The following PEX5 variants were observed in gnomAD, a reference collection of about 807,000 sequenced individuals.
PEX5 encodes the protein PTS1 receptor.
In PEX5, 52 loss-of-function variants were observed where a neutral mutation model predicts 82.9. That is an observed-to-expected ratio of 0.63 (90% CI 0.50 to 0.79). PEX5 has a LOEUF of 0.79. Ranked by LOEUF, PEX5 falls within the 30% of genes least tolerant of loss-of-function variation. The pLI is 0.00. For synonymous variants in PEX5, 300 were observed against 318.8 expected, an observed-to-expected ratio of 0.94 and a Z score of 0.63; for missense variants, 719 against 815.2, an observed-to-expected ratio of 0.88 and a Z score of 1.44.
Position 7,203,181 on chromosome 12 carries a change from A to ATGCACTGCACTGCAC in PEX5, c.847-224_847-210dup, listed in dbSNP as rs752693758. 7.3e-5 allele frequency among the ~76,000 whole-genome samples: 6 copies of ATGCACTGCACTGCAC among 82,590 alleles called. 1 individual carries two copies. The highest frequency in any genetic ancestry group is 3.8e-4 in the East Asian group (1 of 2,618). 54.2% of individuals were successfully genotyped at this position (82,590 alleles called of 152,430 possible). On this transcript the variant is annotated intron_variant, in intron 9 of 15. Coordinates refer to ENST00000675855, the MANE Select transcript of PEX5 (RefSeq NM_001351132.2). ...CTCAAACAAAAAACTAAACTAAACT[A>ATGCACTGCACTGCAC]TGCACTGCACTGCACTGCACTGCAC...
chr12:7,190,155 G>T, intron 1 of PEX5: 2 of 1,490,688 alleles, frequency 1.3e-6, no homozygotes, highest in Non-Finnish European at 1.8e-6. Flanking sequence ...CAGGCTGGAA[G>T]CGGTGGCCTT....
At chr12:7,217,362 A>C (rs1945808331) in intron 17 of PEX5, among the ~76,000 whole-genome samples, 1 of 152,226 alleles carries the variant, frequency 6.6e-6, no homozygotes, top group African/African-American at 2.4e-5. Context: ...GTGGATTGGC[A>C]ATCTGGGCGC....
chr12:7,212,299 G>A (rs769214543), downstream of PEX5, among the ~76,000 whole-genome samples: 1 of 151,824 alleles, frequency 6.6e-6, no homozygotes, highest in Non-Finnish European at 1.5e-5. Context: ...TATTTAAAAA[G>A]TTTTTCAAAT....
intron 5 of PEX5, among the ~76,000 whole-genome samples, chr12:7,194,985 C>T (rs894028621): frequency 2.0e-5 from 3 of 152,166 alleles, no homozygotes; most frequent in South Asian, 4.1e-4. Context: ...AAGATAAGGA[C>T]ATGGAAACTT....
At chr12:7,196,217 A>C (rs1591679134) in intron 5 of PEX5, among the ~76,000 whole-genome samples, 1 of 40,992 alleles carries the variant, frequency 2.4e-5, no homozygotes, top group African/African-American at 5.1e-5. Context: ...TAATAATTAT[A>C]TATGTCATAT....
chr12:7,189,766 CGA>C lies in PEX5; in HGVS notation c.-17+18_-17+19del. On this transcript the variant is annotated intron_variant, in intron 1 of 15. Coordinates refer to ENST00000675855, the MANE Select transcript of PEX5 (RefSeq NM_001351132.2). ...GCGCTCCGCGGTGAGCGCCTGACCC[CGA>C]GGGGGCCCGGGGCCGCGTCCCTGGG... The C allele has an allele frequency of 2.1e-6, 1 of 468,660 alleles. No individual in the cohort carries two copies. The highest frequency in any genetic ancestry group is 3.9e-5 in the East Asian group (1 of 25,778). The allele number at this position is 468,660 out of a possible 1,614,324, so 29.0% of individuals were successfully genotyped here. A position where few individuals can be genotyped will look rare whatever the true frequency, so the allele number is the denominator to read the frequency against.
chr12:7,216,800 AT>A (rs1054541780), intron 17 of PEX5, among the ~76,000 whole-genome samples: 2 of 152,014 alleles, frequency 1.3e-5, no homozygotes, highest in Non-Finnish European at 2.9e-5. Context: ...TTTCTTTTGT[AT>A]TTTTTCTTGT....
chr12:7,202,806 G>A (rs1944271610), intron 9 of PEX5, 102 bp downstream of exon 9: 1 of 873,120 alleles, frequency 1.1e-6, no homozygotes, highest in Admixed American at 1.9e-5. Context: ...ATTTCATAGT[G>A]GACCTGGATC....
chr12:7,209,002 C>T lies in PEX5; in HGVS notation c.1395-3C>T, dbSNP rs369046143. 1.2e-6 allele frequency: 2 copies of T among 1,613,744 alleles called. No homozygotes were observed. The highest frequency in any genetic ancestry group is 1.3e-5 in the African/African-American group (1 of 74,862). On this transcript the variant is annotated splice_polypyrimidine_tract_variant and splice_region_variant and intron_variant, in intron 13 of 15. Transcript: ENST00000675855. ...ACTTTGTGTTTTTTTCCTTTTCATC[C>T]AGCTCCCTGTTTCTTGAAGTGAAAG...
At chr12:7,189,003 A>G (rs1315824925), upstream of PEX5, 1 of 152,146 alleles carries the variant, frequency 6.6e-6, no homozygotes, top group African/African-American at 2.4e-5. Context: ...GGGCTGACTC[A>G]CTGTTCACCT....
rs139562885 is a variant in PEX5 at position 7,209,894 on chromosome 12, C to A, written c.1718+54C>A. The A allele has an allele frequency of 1.2e-3, 1,924 of 1,607,884 alleles. 26 individuals carry two copies. In the African/African-American group the frequency reaches 0.023, roughly 19 times the overall value. ...ATGAGCTTTTTCTCCCTGCCTTTGG[C>A]CCTAGCTCCTTATTCTTAGATCCTG... is the stretch of plus-strand genomic sequence containing the variant. On this transcript the variant is annotated intron_variant, in intron 15 of 15. Transcript: ENST00000675855.
chr12:7,196,385 ATG>A (rs1354567308), intron 5 of PEX5, among the ~76,000 whole-genome samples: 3 of 138,338 alleles, frequency 2.2e-5, no homozygotes, highest in South Asian at 2.4e-4. Flanking sequence ...TGTAATAATT[ATG>A]TGTCATACAT....
chr12:7,213,267 A>C (rs752174171), downstream of PEX5, among the ~76,000 whole-genome samples: 690 of 152,108 alleles, frequency 4.5e-3, 7 homozygotes, highest in African/African-American at 0.015. Context: ...CCACATCACC[A>C]AGTCAATCCT....
At chr12:7,203,121 G>A (rs1944313365) in intron 9 of PEX5, among the ~76,000 whole-genome samples, 1 of 148,486 alleles carries the variant, frequency 6.7e-6, no homozygotes. Context: ...TCACGCCATT[G>A]CACTCTAGCC....
rs752922748 is a variant in PEX5 at position 7,202,302 on chromosome 12, C to T, written c.704C>T (p.Ser235Leu). 7.4e-6 allele frequency: 12 copies of T among 1,614,012 alleles called. No individual in the cohort carries two copies. Among genetic ancestry groups the T allele is most frequent in the Admixed American group, 5.0e-5 (3 of 59,998 alleles). ...GQVSLESGAG[S>L]GRAQAEQWAA... is the part of the protein sequence containing the mutation. ...GTGTCCCTGGAGTCCGGTGCAGGGT[C>T]GGGCCGAGCTCAGGCAGAACAGTGG... is the stretch of plus-strand genomic sequence containing the variant. Residue 235 changes from serine (S) to leucine (L), a missense_variant, in exon 8 of 16, where the codon TCG (serine) becomes TTG (leucine). Ser to Leu is a moderately radical substitution (Grantham distance 145). Transcript: ENST00000675855.
At chr12:7,215,885 A>T (rs1945762865), downstream of PEX5, among the ~76,000 whole-genome samples, 5 of 152,186 alleles carry the variant, frequency 3.3e-5, no homozygotes, top group South Asian at 1.0e-3. Context: ...ACCTGGAATA[A>T]AAGTCAAAAA....
chr12:7,210,219 AG>A lies in PEX5; in HGVS notation c.1917del (p.Gln639HisfsTer21). The A allele has an allele frequency of 6.2e-7, 1 of 1,614,062 alleles. No homozygotes were observed. On this transcript the variant is annotated frameshift_variant, in exon 16 of 16. Coordinates refer to ENST00000675855, the MANE Select transcript of PEX5 (RefSeq NM_001351132.2). LOFTEE classifies it high-confidence loss of function. ...STLLTMFGLPQ is the reference protein window; with the variant it reads ...STLLTMFGLPX ...CTCCTAACTATGTTTGGCCTGCCCC[AG>A]TGACAGTGGGACGGGCTGCCCTGTG... is the stretch of plus-strand genomic sequence containing the variant.
upstream of PEX5, chr12:7,188,977 G>C (rs1330426380): frequency 6.6e-6 from 1 of 152,214 alleles, no homozygotes; most frequent in Non-Finnish European, 1.5e-5. Context: ...CCACTATGTT[G>C]ACTTAGCGGA....
At chr12:7,203,774 C>G (rs1041281215) in intron 10 of PEX5, among the ~76,000 whole-genome samples, 1 of 152,186 alleles carries the variant, frequency 6.6e-6, no homozygotes, top group Non-Finnish European at 1.5e-5. Flanking sequence ...TAACGACAGT[C>G]CAGTACATAA....
Sources: allele counts gnomAD v4.1 joint callset (sites outside exome capture counted in the v4.1 genomes callset), GRCh38; gene constraint gnomAD v4.1.1; transcripts MANE v1.5; gene names NCBI Gene and HGNC (gene_info 2026-07-23, HGNC 2026-07-21).